Variants in FHIT observed in about 807,000 individuals in gnomAD.
FHIT encodes the protein bis(5'-adenosyl)-triphosphatase.
Under a neutral mutation model 17.9 loss-of-function variants are expected in FHIT, and 19 were observed. The observed-to-expected ratio is 1.06, with a 90% CI of 0.74 to 1.56. FHIT has a LOEUF of 1.56. Ranked by LOEUF, FHIT falls within the 40% of genes most tolerant of loss-of-function variation. The pLI is 0.00. For missense variants in FHIT, 248 were observed against 189.2 expected (o/e 1.31, Z -1.82); for synonymous variants, 81 against 69.7 (o/e 1.16, Z -0.81).
At position 60,858,583 on chromosome 3, in the gene FHIT, C is replaced by A. The variant is rs563203658; in HGVS notation, c.-110-36572G>T. ...TGAAGTGAGGGCTTCTTTCTTCTAC[C>A]TTGCTCCATGACAATCAAACCCAAA... On this transcript the variant is annotated intron_variant, in intron 3 of 9. Coordinates refer to ENST00000492590, the MANE Select transcript of FHIT (RefSeq NM_002012.4). Among the ~76,000 whole-genome samples, 365 of 152,254 alleles carry A rather than the reference C, an allele frequency of 2.4e-3. 4 individuals are homozygous for A. The highest frequency in any genetic ancestry group is 3.0e-3 in the Non-Finnish European group (206 of 68,012).
At chr3:60,575,889 C>T (rs1374722100) in intron 4 of FHIT, among the ~76,000 whole-genome samples, 2 of 152,094 alleles carry the variant, frequency 1.3e-5, no homozygotes, top group Non-Finnish European at 2.9e-5. Context: ...GCTGAAAGGA[C>T]AAGGGCAAAA....
At chr3:60,608,389 A>T (rs1251540197) in intron 4 of FHIT, among the ~76,000 whole-genome samples, 1 of 152,118 alleles carries the variant, frequency 6.6e-6, no homozygotes, top group African/African-American at 2.4e-5. Flanking sequence ...CTCAGATGAT[A>T]TATGACACTC....
At chr3:59,847,634 C>T (rs1559658001) in intron 8 of FHIT, among the ~76,000 whole-genome samples, 1 of 152,066 alleles carries the variant, frequency 6.6e-6, no homozygotes, top group East Asian at 1.9e-4. Context: ...TAATACGTTC[C>T]TGTTGCTCTA....
At chr3:59,972,635 T>C (rs1386289535) in intron 7 of FHIT, among the ~76,000 whole-genome samples, 1 of 152,078 alleles carries the variant, frequency 6.6e-6, no homozygotes, top group African/African-American at 2.4e-5. Flanking sequence ...ACAAGTGGAA[T>C]CCAAGTCCTA....
At chr3:60,727,594 A>T (rs1259938379) in intron 4 of FHIT, among the ~76,000 whole-genome samples, 1 of 152,200 alleles carries the variant, frequency 6.6e-6, no homozygotes, top group Non-Finnish European at 1.5e-5. Context: ...TGACTCTATA[A>T]AGTAAAGTTC....
chr3:60,442,776 G>A lies in FHIT; in HGVS notation c.103+94084C>T, dbSNP rs562672687. Among the ~76,000 whole-genome samples, 10 of 152,268 alleles carry A rather than the reference G, an allele frequency of 6.6e-5. No individual in the cohort carries two copies. The South Asian group carries it at 2.1e-3, about 32-fold the overall frequency. ...TGCGGGCTCTTTTTTGGTCCCATAA[G>A]AACTTTAAAGTAATTTTTTCCAATT... On this transcript the variant is annotated intron_variant, in intron 5 of 9. Coordinates refer to ENST00000492590, the MANE Select transcript of FHIT (RefSeq NM_002012.4).
rs142125933 is a variant in FHIT, at chr3:60,354,750, G to A, written c.103+182110C>T. ...CCGGTCCAATTGGTAATATCTGATG[G>A]CTGATTCTGCTTAACTCTACTAAAT... On this transcript the variant is annotated intron_variant, in intron 5 of 9. Coordinates refer to ENST00000492590, the MANE Select transcript of FHIT (RefSeq NM_002012.4). 5.2e-3 allele frequency among the ~76,000 whole-genome samples: 788 copies of A among 152,254 alleles called. 8 individuals are homozygous for A. Among genetic ancestry groups the A allele is most frequent in the African/African-American group, 0.018 (746 of 41,558 alleles).
chr3:60,785,659 T>C (rs1375573419), intron 4 of FHIT, among the ~76,000 whole-genome samples: 1 of 152,164 alleles, frequency 6.6e-6, no homozygotes, highest in Admixed American at 6.5e-5. Context: ...AGATTCCCTG[T>C]CTGACTTGGG....
chr3:59,837,574 A>G (rs557214168), intron 8 of FHIT, among the ~76,000 whole-genome samples: 7 of 152,288 alleles, frequency 4.6e-5, no homozygotes, highest in African/African-American at 1.7e-4. Flanking sequence ...AAAATGTCCC[A>G]TGGAATCCTA....
At chr3:61,128,908 T>C (rs1361180377) in intron 2 of FHIT, among the ~76,000 whole-genome samples, 4 of 152,178 alleles carry the variant, frequency 2.6e-5, no homozygotes, top group Non-Finnish European at 1.5e-5. Context: ...CTGGACCCTA[T>C]ACATGCTTCC....
At chr3:60,981,635 G>A (rs1710500158) in intron 3 of FHIT, among the ~76,000 whole-genome samples, 1 of 151,954 alleles carries the variant, frequency 6.6e-6, no homozygotes. Flanking sequence ...TTGAGACAGG[G>A]TCTTGCTCTG....
intron 8 of FHIT, among the ~76,000 whole-genome samples, chr3:59,901,533 T>C (rs1473938263): frequency 6.6e-6 from 1 of 152,216 alleles, no homozygotes; most frequent in Non-Finnish European, 1.5e-5. Flanking sequence ...TGCTCAATAT[T>C]AGCTATCAGG....
At chr3:60,139,471 T>C (rs1463397386) in intron 5 of FHIT, among the ~76,000 whole-genome samples, 2 of 152,080 alleles carry the variant, frequency 1.3e-5, no homozygotes, top group African/African-American at 4.8e-5. Flanking sequence ...GGCCAGATGA[T>C]GAAAAGTCTA....
intron 4 of FHIT, among the ~76,000 whole-genome samples, chr3:60,766,618 C>T (rs1553721509): frequency 6.6e-6 from 1 of 151,536 alleles, no homozygotes; most frequent in African/African-American, 2.4e-5. Flanking sequence ...CTCAAATAAA[C>T]CCAGAAGTTA....
At chr3:60,664,346 A>C (rs782417937) in intron 4 of FHIT, among the ~76,000 whole-genome samples, 1 of 152,130 alleles carries the variant, frequency 6.6e-6, no homozygotes, top group Non-Finnish European at 1.5e-5. Context: ...ATCATATTAC[A>C]TAATTCTTTT....
chr3:59,990,076 G>A (rs984713177), intron 7 of FHIT, among the ~76,000 whole-genome samples: 7 of 151,948 alleles, frequency 4.6e-5, no homozygotes, highest in African/African-American at 1.7e-4. Context: ...TGTATCTGGT[G>A]GTAGTTTTTA....
intron 2 of FHIT, among the ~76,000 whole-genome samples, chr3:61,069,488 G>T (rs1295636123): frequency 1.3e-5 from 2 of 152,164 alleles, no homozygotes; most frequent in Admixed American, 1.3e-4. Context: ...GTTATGGTAG[G>T]TGATAACCCT....
At chr3:60,673,042 T>C (rs1360691347) in intron 4 of FHIT, among the ~76,000 whole-genome samples, 1 of 152,190 alleles carries the variant, frequency 6.6e-6, no homozygotes, top group African/African-American at 2.4e-5. Flanking sequence ...GTCACATGTT[T>C]TACTTCTATT....
chr3:60,878,411 G>C (rs1232633852), intron 3 of FHIT, among the ~76,000 whole-genome samples: 2 of 152,030 alleles, frequency 1.3e-5, no homozygotes, highest in Non-Finnish European at 2.9e-5. Context: ...CCCATTGTGA[G>C]GAAAATCAGA....
Sources: allele counts gnomAD v4.1 joint callset (sites outside exome capture counted in the v4.1 genomes callset), GRCh38; gene constraint gnomAD v4.1.1; transcripts MANE v1.5; gene names NCBI Gene and HGNC (gene_info 2026-07-23, HGNC 2026-07-21).